Variants in RBFOX1 observed in about 807,000 individuals in gnomAD.
RBFOX1 encodes the protein RNA binding fox-1 homolog 1, also known as RNA binding protein fox-1 homolog 1.
Under a neutral mutation model 57.7 loss-of-function variants are expected in RBFOX1, and 8 were observed. The ratio of observed to expected loss-of-function variants is 0.14; its 90% CI spans 0.08 to 0.25. The LOEUF (loss-of-function observed/expected upper bound fraction) is 0.25, where lower values mean the gene tolerates loss of function less well. RBFOX1 is among the 10% of genes least tolerant of loss of function. The pLI is 1.00. For synonymous variants in RBFOX1, 326 were observed against 222.4 expected, an observed-to-expected ratio of 1.47 and a Z score of -4.15; for missense variants, 611 against 548.5, an observed-to-expected ratio of 1.11 and a Z score of -1.14.
intron 3 of RBFOX1, among the ~76,000 whole-genome samples, chr16:6,876,814 C>T (rs998768749): frequency 6.6e-6 from 1 of 152,078 alleles, no homozygotes; most frequent in East Asian, 1.9e-4. Context: ...TCTGCTAAAA[C>T]TGACCGAAAG....
intron 4 of RBFOX1, among the ~76,000 whole-genome samples, chr16:7,253,706 C>T (rs143283119): frequency 1.3e-5 from 2 of 152,168 alleles, no homozygotes; most frequent in Admixed American, 1.3e-4. Flanking sequence ...GAAACCCCTA[C>T]TCCATCACCA....
chr16:6,286,631 A>G (rs1176937548), intron 1 of RBFOX1, among the ~76,000 whole-genome samples: 2 of 152,154 alleles, frequency 1.3e-5, no homozygotes, highest in East Asian at 1.9e-4. Flanking sequence ...TGACTTCTCC[A>G]TAGCCTTGCC....
intron 4 of RBFOX1, among the ~76,000 whole-genome samples, chr16:7,176,760 C>G (rs1030198169): frequency 1.3e-5 from 2 of 152,034 alleles, no homozygotes; most frequent in African/African-American, 4.8e-5. Context: ...CAAGGTAAGA[C>G]AGACACGACA....
intron 1 of RBFOX1, among the ~76,000 whole-genome samples, chr16:5,310,826 T>C (rs918643172): frequency 5.3e-5 from 8 of 152,214 alleles, no homozygotes; most frequent in Non-Finnish European, 1.2e-4. Flanking sequence ...ACAAATGAAG[T>C]ACACTCTTTT....
At chr16:6,664,941 C>T (rs995069696) in intron 3 of RBFOX1, among the ~76,000 whole-genome samples, 2 of 152,304 alleles carry the variant, frequency 1.3e-5, no homozygotes, top group East Asian at 3.9e-4. Flanking sequence ...CAGGGACAGA[C>T]ATCGTTTGTA....
intron 3 of RBFOX1, among the ~76,000 whole-genome samples, chr16:5,692,189 G>C (rs1435235273): frequency 1.3e-5 from 2 of 148,990 alleles, no homozygotes; most frequent in African/African-American, 5.1e-5. Flanking sequence ...GTGTGTGTGT[G>C]TGTGTGTGTG....
intron 5 of RBFOX1, among the ~76,000 whole-genome samples, chr16:7,546,025 A>AC (rs1006983533): frequency 6.7e-6 from 1 of 148,580 alleles, no homozygotes; most frequent in Non-Finnish European, 1.5e-5. Context: ...AAAAAAAAAA[A>AC]AAAAAGAAAA....
At chr16:5,417,688 T>G (rs1045243571) in intron 1 of RBFOX1, among the ~76,000 whole-genome samples, 1 of 152,206 alleles carries the variant, frequency 6.6e-6, no homozygotes, top group Non-Finnish European at 1.5e-5. Context: ...GAAGTCTGCC[T>G]GGTTGGGAAT....
intron 3 of RBFOX1, among the ~76,000 whole-genome samples, chr16:6,990,220 G>C (rs547088482): frequency 6.6e-6 from 1 of 152,032 alleles, no homozygotes; most frequent in African/African-American, 2.4e-5. Flanking sequence ...TCTTTGCTTC[G>C]CATTTTAAAA....
intron 2 of RBFOX1, among the ~76,000 whole-genome samples, chr16:6,543,750 G>C (rs62015470): frequency 0.3 from 45,672 of 151,942 alleles, 8,000 homozygotes; most frequent in Middle Eastern, 0.43. Flanking sequence ...AGAAGGGTTA[G>C]AATCTCTTTC....
chr16:6,637,106 TTATATA>T (rs1567983937), intron 2 of RBFOX1, among the ~76,000 whole-genome samples: 607 of 11,790 alleles, frequency 0.051, 73 homozygotes, highest in South Asian at 0.26. Flanking sequence ...AATATATATA[TTATATA>T]ATATATAAAT....
intron 1 of RBFOX1, among the ~76,000 whole-genome samples, chr16:6,280,004 G>A (rs1020505343): frequency 2.0e-5 from 3 of 152,028 alleles, no homozygotes; most frequent in Non-Finnish European, 4.4e-5. Context: ...GGACATTACA[G>A]AAGCCTATCC....
At chr16:7,523,605 T>C (rs2078000275) in intron 5 of RBFOX1, among the ~76,000 whole-genome samples, 1 of 152,150 alleles carries the variant, frequency 6.6e-6, no homozygotes, top group African/African-American at 2.4e-5. Flanking sequence ...GTACACACTC[T>C]TAGAGGTAGG....
At chr16:5,422,333 G>T (rs192882841) in intron 1 of RBFOX1, among the ~76,000 whole-genome samples, 2 of 140,450 alleles carry the variant, frequency 1.4e-5, no homozygotes, top group Non-Finnish European at 3.1e-5. Context: ...GGGAAGAGGA[G>T]AACGTGGAGG....
chr16:6,086,102 C>T (rs745964715), intron 1 of RBFOX1, among the ~76,000 whole-genome samples: 6 of 152,064 alleles, frequency 3.9e-5, no homozygotes, highest in African/African-American at 1.4e-4. Context: ...TATTAGTTTT[C>T]TGAGGACGGT....
At chr16:5,721,554 G>A (rs2051935690) in intron 3 of RBFOX1, among the ~76,000 whole-genome samples, 1 of 152,160 alleles carries the variant, frequency 6.6e-6, no homozygotes, top group Admixed American at 6.5e-5. Context: ...TCATCTTAGG[G>A]GAAGGCATTC....
At chr16:6,902,020 T>C (rs2068620464) in intron 3 of RBFOX1, among the ~76,000 whole-genome samples, 1 of 152,182 alleles carries the variant, frequency 6.6e-6, no homozygotes, top group Non-Finnish European at 1.5e-5. Flanking sequence ...TTATTCAGAA[T>C]GTGCTTAAGG....
intron 2 of RBFOX1, among the ~76,000 whole-genome samples, chr16:6,441,418 GTTT>G (rs1461372437): frequency 6.6e-6 from 1 of 151,532 alleles, no homozygotes; most frequent in Non-Finnish European, 1.5e-5. Flanking sequence ...GTTTTGTTTT[GTTT>G]TTTCTTTTTT....
At chr16:7,247,702 C>T (rs141987562) in intron 4 of RBFOX1, among the ~76,000 whole-genome samples, 40 of 152,274 alleles carry the variant, frequency 2.6e-4, no homozygotes, top group African/African-American at 6.0e-4. Flanking sequence ...AAATGGAATA[C>T]GGGAAACATA....
Sources: allele counts gnomAD v4.1 joint callset (sites outside exome capture counted in the v4.1 genomes callset), GRCh38; gene constraint gnomAD v4.1.1; transcripts MANE v1.5; gene names NCBI Gene and HGNC (gene_info 2026-07-23, HGNC 2026-07-21).